TRRAP: variants seen among roughly 807,000 people sequenced by gnomAD.
TRRAP encodes transformation/transcription domain associated protein.
Under a neutral mutation model 438.8 loss-of-function variants are expected in TRRAP, and 41 were observed. The ratio of observed to expected loss-of-function variants is 0.09; its 90% CI spans 0.07 to 0.12. The LOEUF (loss-of-function observed/expected upper bound fraction) is 0.12, where lower values mean the gene tolerates loss of function less well. Ranked by LOEUF, TRRAP falls within the 10% of genes least tolerant of loss-of-function variation. The probability of loss-of-function intolerance (pLI) is 1.00; values close to 1 mark genes in which losing one functional copy is unlikely to be tolerated. For synonymous variants in TRRAP, 1,994 were observed against 1,962.9 expected, an observed-to-expected ratio of 1.02 and a Z score of -0.42; for missense variants, 3,122 against 5,055.1, an observed-to-expected ratio of 0.62 and a Z score of 11.60.
At position 98,925,397 on chromosome 7, in the gene TRRAP, C is replaced by A. The variant is rs1790002101; in HGVS notation, c.2975+134C>A. ...CAGCAGATGCCATATTATCTACCTA[C>A]TCCTTCTTGTTGGGGCCTTAGAGAA... On this transcript the variant is annotated intron_variant, in intron 22 of 72. Transcript: ENST00000456197. The A allele has an allele frequency of 3.1e-6, 4 of 1,274,608 alleles. No homozygotes were observed. In the South Asian group the frequency reaches 4.6e-5, roughly 15 times the overall value. 79.0% of individuals were successfully genotyped at this position (1,274,608 alleles called of 1,614,324 possible).
intron 59 of TRRAP, among the ~76,000 whole-genome samples, chr7:98,982,618 A>G (rs1022677871): frequency 5.3e-5 from 8 of 152,238 alleles, no homozygotes; most frequent in Non-Finnish European, 1.0e-4. Context: ...TGTGCGCCAT[A>G]GAAGCCAAGG....
intron 8 of TRRAP, 63 bp downstream of exon 8, chr7:98,897,929 A>G: frequency 6.3e-7 from 1 of 1,598,812 alleles, no homozygotes; most frequent in Non-Finnish European, 8.5e-7. Context: ...TGGCCTGTTA[A>G]ACCATTTTTT....
At chr7:98,911,786 A>C (rs1789288462) in intron 17 of TRRAP, among the ~76,000 whole-genome samples, 1 of 152,086 alleles carries the variant, frequency 6.6e-6, no homozygotes, top group Non-Finnish European at 1.5e-5. Context: ...AAAAAAAAAA[A>C]AAATGCATTA....
Position 99,005,011 on chromosome 7 carries a change from C to T in TRRAP, c.10536-120C>T, listed in dbSNP as rs1794096857. On this transcript the variant is annotated intron_variant, in intron 68 of 72. Transcript: ENST00000456197. The surrounding 1 kb of genome is among the most constrained non-coding windows in gnomAD (Gnocchi z 5.1). ...GGCAGGGTACAAATAAATTGATAAA[C>T]GACCGCTGGCCTACACAGTCCGTTT... The T allele has an allele frequency of 1.1e-5, 10 of 937,910 alleles. No homozygotes were observed. The highest frequency in any genetic ancestry group is 4.4e-5 in the South Asian group (3 of 67,500). The allele number at this position is 937,910 out of a possible 1,614,324, so 58.1% of individuals were successfully genotyped here.
chr7:98,921,897 A>G lies in TRRAP; in HGVS notation c.2767A>G (p.Ser923Gly), dbSNP rs781939678. ...CGTTGTGACCGAGGTTCAGGGCCCC[A>G]GCATCACTGTGGAGTTTTCCGACTG... Reference protein sequence around the residue: ...HYVVTEVQGPSITVEFSDCKA... With the variant: ...HYVVTEVQGPGITVEFSDCKA... Residue 923 changes from serine (S) to glycine (G), a missense_variant, in exon 21 of 73, where the codon AGC (serine) becomes GGC (glycine). Ser to Gly is a moderately conservative substitution (Grantham distance 56). Coordinates refer to ENST00000456197, the MANE Select transcript of TRRAP (RefSeq NM_001375524.1). The G allele has an allele frequency of 4.3e-6, 7 of 1,614,128 alleles. No individual in the cohort carries two copies. Among genetic ancestry groups the G allele is most frequent in the Admixed American group, 1.7e-5 (1 of 60,004 alleles).
In TRRAP at chr7:98,965,765, T is replaced by G; in HGVS notation, c.7046T>G (p.Met2349Arg). The stretch of plus-strand genomic sequence containing the variant: ...CGCCTGGCAGTGATGAGCATGGAGA[T>G]GCGGAAGAACTTCATCCAGGCCATC... ...KTRLAVMSME[M>R]RKNFIQAILT... The change falls in exon 49 of 73, where the codon ATG (methionine) becomes AGG (arginine). Residue 2349 changes from methionine (M) to arginine (R), a missense_variant. Met to Arg is a moderately conservative substitution (Grantham distance 91). This residue lies in a region of TRRAP where 992 missense variants were observed against 1,281.2 expected (regional missense o/e 0.77). Transcript: ENST00000456197. 1 of 1,614,108 alleles carries G rather than the reference T, an allele frequency of 6.2e-7. No homozygotes were observed. Among genetic ancestry groups the G allele is most frequent in the Non-Finnish European group, 8.5e-7 (1 of 1,180,026 alleles).
At chr7:98,912,811 A>G (rs555509623) in intron 18 of TRRAP, among the ~76,000 whole-genome samples, 26 of 152,238 alleles carry the variant, frequency 1.7e-4, no homozygotes, top group East Asian at 7.7e-4. Flanking sequence ...ACTGAAGCCA[A>G]TACAATGGTA....
intron 27 of TRRAP, among the ~76,000 whole-genome samples, chr7:98,934,514 A>C (rs1790470209): frequency 6.6e-6 from 1 of 152,154 alleles, no homozygotes; most frequent in Non-Finnish European, 1.5e-5. Flanking sequence ...AAAACTCCTC[A>C]CTGCACTTAA....
Position 98,953,254 on chromosome 7 carries a change from C to T in TRRAP, c.5551C>T (p.Pro1851Ser). Residue 1851 changes from proline (P) to serine (S), a missense_variant, in exon 40 of 73, where the codon CCC becomes TCC. Coordinates refer to ENST00000456197, the MANE Select transcript of TRRAP (RefSeq NM_001375524.1). The part of the protein sequence containing the change: ...QYATLLVEHA[P>S]HHIHDNNKNR... ...CGCCACGCTGCTGGTGGAGCACGCC[C>T]CCCACCACATCCATGACAACAACAA... The T allele has an allele frequency of 1.9e-6, 3 of 1,613,720 alleles. No individual in the cohort carries two copies. In the South Asian group the frequency reaches 3.3e-5, roughly 18 times the overall value.
At position 98,893,405 on chromosome 7, in the gene TRRAP, A is replaced by T. The variant is rs558508261; in HGVS notation, c.367-393A>T. Reference sequence around the variant, plus strand: ...TCATGCCCTCACAGGTCAGATGTAGATGGAACCCCATCCTCACAGAGCATT... The same window carrying T: ...TCATGCCCTCACAGGTCAGATGTAGTTGGAACCCCATCCTCACAGAGCATT... On this transcript the variant is annotated intron_variant, in intron 5 of 72. Transcript: ENST00000456197. Among the ~76,000 whole-genome samples the T allele has an allele frequency of 2.9e-4, 44 of 152,320 alleles. No homozygotes were observed. In the South Asian group the frequency reaches 8.9e-3, roughly 31 times the overall value.
chr7:98,958,786 G>T (rs1372824229), intron 44 of TRRAP, among the ~76,000 whole-genome samples: 1 of 152,158 alleles, frequency 6.6e-6, no homozygotes, highest in Non-Finnish European at 1.5e-5. Context: ...TAAAGGGTGA[G>T]ATGATCCAAC....
intron 23 of TRRAP, among the ~76,000 whole-genome samples, chr7:98,927,605 A>T (rs1790111735): frequency 6.6e-6 from 1 of 152,178 alleles, no homozygotes; most frequent in African/African-American, 2.4e-5. Context: ...ACCCAATTTA[A>T]TAATACTTCT....
At chr7:98,939,846 G>C (rs930678494) in intron 30 of TRRAP, among the ~76,000 whole-genome samples, 4 of 152,100 alleles carry the variant, frequency 2.6e-5, no homozygotes, top group Admixed American at 2.6e-4. Context: ...TGCTGCCTTT[G>C]TATGCTTGCC....
At position 98,903,372 on chromosome 7, in the gene TRRAP, C is replaced by G; in HGVS notation, c.898-7C>G. On this transcript the variant is annotated splice_polypyrimidine_tract_variant and splice_region_variant and intron_variant, in intron 11 of 72. Coordinates refer to ENST00000456197, the MANE Select transcript of TRRAP (RefSeq NM_001375524.1). ...TGTAACTGTGTCATCTCACTCTGTT[C>G]TTACAGGAGTTGGTGACTAAGTATT... 1.2e-6 allele frequency: 2 copies of G among 1,614,134 alleles called. No individual in the cohort carries two copies. The highest frequency in any genetic ancestry group is 3.3e-5 in the Admixed American group (2 of 60,026).
intron 30 of TRRAP, 94 bp from the exon 31 acceptor site, chr7:98,942,855 C>G: frequency 2.1e-6 from 3 of 1,397,556 alleles, no homozygotes; most frequent in Non-Finnish European, 3.0e-6. Context: ...AGTTCTCACA[C>G]TAAACACGAT....
intron 30 of TRRAP, among the ~76,000 whole-genome samples, chr7:98,940,132 C>T (rs1447671435): frequency 6.6e-6 from 1 of 151,508 alleles, no homozygotes; most frequent in Non-Finnish European, 1.5e-5. Flanking sequence ...GATCCACCTG[C>T]CTTGACTTCC....
At chr7:98,905,280 C>T (rs1796675995) in intron 12 of TRRAP, among the ~76,000 whole-genome samples, 1 of 152,190 alleles carries the variant, frequency 6.6e-6, no homozygotes, top group Non-Finnish European at 1.5e-5. Flanking sequence ...TGCTGCCTGG[C>T]TGTGCAGTTA....
intron 52 of TRRAP, 74 bp from the exon 53 acceptor site, chr7:98,971,725 C>T (rs1157209288): frequency 1.3e-6 from 2 of 1,538,416 alleles, no homozygotes; most frequent in Non-Finnish European, 1.8e-6. Context: ...AACAAGAAGC[C>T]TACAGGAGGT....
At chr7:99,000,115 C>G (rs1201290201) in intron 67 of TRRAP, among the ~76,000 whole-genome samples, 1 of 152,148 alleles carries the variant, frequency 6.6e-6, no homozygotes, top group African/African-American at 2.4e-5. Context: ...TCAAGTGATT[C>G]TCCCGCCTCA....
Sources: allele counts gnomAD v4.1 joint callset (sites outside exome capture counted in the v4.1 genomes callset), GRCh38; gene constraint gnomAD v4.1.1; regional missense constraint gnomAD v4.1.1; non-coding constraint Gnocchi (gnomAD v3.1); transcripts MANE v1.5; gene names NCBI Gene and HGNC (gene_info 2026-07-23, HGNC 2026-07-21).